SLCO3A1: variants seen among roughly 807,000 people sequenced by gnomAD.
The protein encoded by SLCO3A1 is PGE1 transporter.
A neutral mutation model predicts 63.1 loss-of-function variants in SLCO3A1; 27 were observed. The observed-to-expected ratio is 0.43, with a 90% CI of 0.32 to 0.59. SLCO3A1 has a LOEUF of 0.59. Among genes scored for constraint, SLCO3A1 ranks in the 20% least tolerant of loss-of-function variants. The pLI is 0.09. For missense variants in SLCO3A1, 773 were observed against 945.8 expected (o/e 0.82, Z 2.40); for synonymous variants, 473 against 409.9 (o/e 1.15, Z -1.86).
intron 8 of SLCO3A1, among the ~76,000 whole-genome samples, chr15:92,147,918 C>T (rs1596146271): frequency 1.3e-5 from 2 of 152,180 alleles, no homozygotes; most frequent in Non-Finnish European, 2.9e-5. Context: ...GGAAGGTACT[C>T]TACACAAAGA....
At position 91,894,063 on chromosome 15, in the gene SLCO3A1, T is replaced by G. The variant is rs1389957086; in HGVS notation, c.181-21930T>G. 6.6e-6 allele frequency among the ~76,000 whole-genome samples: 1 copy of G among 152,140 alleles called. No individual in the cohort carries two copies. The highest frequency in any genetic ancestry group is 1.9e-4 in the East Asian group (1 of 5,180). On this transcript the variant is annotated intron_variant, in intron 1 of 9. Coordinates refer to ENST00000318445, the MANE Select transcript of SLCO3A1 (RefSeq NM_013272.4). This position sits in a 1 kb window ranked among gnomAD's most constrained non-coding sequence, Gnocchi z 4.8. The stretch of plus-strand genomic sequence containing the variant: ...GGGGACGTTTGAGCTAAGACCTGCC[T>G]GGGGAGAAATCAGCCTTGTCATGAT...
chr15:92,027,076 T>A (rs1342143010), intron 2 of SLCO3A1, among the ~76,000 whole-genome samples: 1 of 140,538 alleles, frequency 7.1e-6, no homozygotes, highest in Admixed American at 7.4e-5. Context: ...GGTGACAGAG[T>A]GAGACTTTGT....
chr15:91,899,030 C>T (rs1303345083), intron 1 of SLCO3A1, among the ~76,000 whole-genome samples: 1 of 152,102 alleles, frequency 6.6e-6, no homozygotes, highest in Admixed American at 6.6e-5. Flanking sequence ...GGTGTGTTCC[C>T]AAGTGAAGAG....
In SLCO3A1 at chr15:92,163,944, C is replaced by T. The variant is rs892702015; in HGVS notation, c.*809C>T. 2 of 985,398 alleles carry T rather than the reference C, an allele frequency of 2.0e-6. No individual in the cohort carries two copies. Among genetic ancestry groups the T allele is most frequent in the African/African-American group, 1.7e-5 (1 of 57,248 alleles). 61.0% of individuals were successfully genotyped at this position (985,398 alleles called of 1,614,324 possible). The stretch of plus-strand genomic sequence containing the variant: ...TGACCTCAGGAAGCAGTAGGCCTCG[C>T]CTGGCTATGACTGACCCGGCTCAGA... On this transcript the variant is annotated 3_prime_UTR_variant, in exon 10 of 10. Coordinates refer to ENST00000318445, the MANE Select transcript of SLCO3A1 (RefSeq NM_013272.4).
chr15:91,913,602 G>A (rs1334946961), intron 1 of SLCO3A1, among the ~76,000 whole-genome samples: 1 of 152,140 alleles, frequency 6.6e-6, no homozygotes, highest in East Asian at 1.9e-4. Flanking sequence ...CATTTTTTTG[G>A]TTTGTTTTTT....
At chr15:91,955,997 G>T (rs1479969206) in intron 2 of SLCO3A1, among the ~76,000 whole-genome samples, 1 of 152,098 alleles carries the variant, frequency 6.6e-6, no homozygotes, top group South Asian at 2.1e-4. Context: ...AAGCCTCTTG[G>T]GATGTGTACA....
chr15:92,087,173 C>T (rs1486090658), intron 2 of SLCO3A1, among the ~76,000 whole-genome samples: 3 of 151,350 alleles, frequency 2.0e-5, no homozygotes, highest in South Asian at 2.1e-4. Context: ...CTCCGCCCAC[C>T]GCCTATAGTT....
intron 3 of SLCO3A1, among the ~76,000 whole-genome samples, chr15:92,100,085 C>CA (rs941021875): frequency 2.7e-5 from 4 of 150,756 alleles, no homozygotes; most frequent in African/African-American, 4.9e-5. Flanking sequence ...AAACAAAAAA[C>CA]AAAAAAACGG....
At chr15:92,127,248 C>A (rs2047936107) in intron 6 of SLCO3A1, among the ~76,000 whole-genome samples, 1 of 152,228 alleles carries the variant, frequency 6.6e-6, no homozygotes, top group South Asian at 2.1e-4. Flanking sequence ...CTATGCATAA[C>A]AGCTGTCTCA....
chr15:92,161,534 A>G (rs1171512875), intron 9 of SLCO3A1: 1 of 152,248 alleles, frequency 6.6e-6, no homozygotes, highest in Non-Finnish European at 1.5e-5. Context: ...TGAGGGTTTC[A>G]AAACTGGTTA....
rs72755621 is a variant in SLCO3A1 at position 91,986,304 on chromosome 15, C to T, written c.646+69846C>T. 9.0e-3 allele frequency among the ~76,000 whole-genome samples: 1,368 copies of T among 152,254 alleles called. 13 individuals carry two copies. The highest frequency in any genetic ancestry group is 0.016 in the South Asian group (76 of 4,830). ...GGGAAGAGGACAAAAGGTGGGTGTTCACCCCATGGGATTCCGGGGAGATAA... is the reference window on the plus strand; with the variant it reads ...GGGAAGAGGACAAAAGGTGGGTGTTTACCCCATGGGATTCCGGGGAGATAA... On this transcript the variant is annotated intron_variant, in intron 2 of 9. Coordinates refer to ENST00000318445, the MANE Select transcript of SLCO3A1 (RefSeq NM_013272.4).
At chr15:91,855,221 C>G (rs1896884436) in intron 1 of SLCO3A1, among the ~76,000 whole-genome samples, 1 of 152,160 alleles carries the variant, frequency 6.6e-6, no homozygotes, top group African/African-American at 2.4e-5. Context: ...TCCCTCATTC[C>G]TGGCCTTGGG....
At chr15:92,085,492 G>A (rs1363952613) in intron 2 of SLCO3A1, among the ~76,000 whole-genome samples, 2 of 152,186 alleles carry the variant, frequency 1.3e-5, no homozygotes, top group Admixed American at 6.5e-5. Flanking sequence ...TGGGATGGTA[G>A]CACCCAACCC....
chr15:92,077,239 GAC>G (rs2047288953), intron 2 of SLCO3A1, among the ~76,000 whole-genome samples: 3 of 152,120 alleles, frequency 2.0e-5, no homozygotes, highest in Admixed American at 1.3e-4. Context: ...TTTGGGTGGG[GAC>G]ACAGCGAAAC....
intron 1 of SLCO3A1, among the ~76,000 whole-genome samples, chr15:91,881,921 G>T (rs937832389): frequency 6.6e-6 from 1 of 152,166 alleles, no homozygotes; most frequent in African/African-American, 2.4e-5. Flanking sequence ...CCCTGGCCAG[G>T]TCTGGGTCCC....
At chr15:91,915,174 A>T (rs1237766631) in intron 1 of SLCO3A1, among the ~76,000 whole-genome samples, 2 of 152,126 alleles carry the variant, frequency 1.3e-5, no homozygotes, top group Non-Finnish European at 2.9e-5. Flanking sequence ...ATTCTTAGGT[A>T]CATGTTTACC....
intron 7 of SLCO3A1, among the ~76,000 whole-genome samples, chr15:92,145,029 A>G (rs74028825): frequency 0.055 from 8,309 of 152,244 alleles, 787 homozygotes; most frequent in African/African-American, 0.19. Flanking sequence ...TGACCAGAGG[A>G]GGACCAGGGA....
Position 91,900,842 on chromosome 15 carries a change from G to A in SLCO3A1, c.181-15151G>A, listed in dbSNP as rs1235286223. On this transcript the variant is annotated intron_variant, in intron 1 of 9. Coordinates refer to ENST00000318445, the MANE Select transcript of SLCO3A1 (RefSeq NM_013272.4). This position sits in a 1 kb window ranked among gnomAD's most constrained non-coding sequence, Gnocchi z 4.3. ...ATTTTACTGTTGATTTGTAAGGTTG[G>A]TAGGTAGTTTTGTTCAAATCATCTT... Among the ~76,000 whole-genome samples the A allele has an allele frequency of 6.6e-6, 1 of 152,156 alleles. No homozygotes were observed. Among genetic ancestry groups the A allele is most frequent in the Non-Finnish European group, 1.5e-5 (1 of 68,028 alleles).
rs1040299407 is a variant in SLCO3A1 at position 91,863,361 on chromosome 15, G to A, written c.180+9273G>A. ...TGGTCACTGTAGCTTTCAGGGTGGT[G>A]GAGGGCAGGGCCCCCTTAAGGTTGG... is the stretch of plus-strand genomic sequence containing the variant. On this transcript the variant is annotated intron_variant, in intron 1 of 9. Transcript: ENST00000318445. The surrounding 1 kb of genome is among the most constrained non-coding windows in gnomAD (Gnocchi z 4.3). 3.9e-5 allele frequency among the ~76,000 whole-genome samples: 6 copies of A among 152,220 alleles called. No homozygotes were observed. The highest frequency in any genetic ancestry group is 8.8e-5 in the Non-Finnish European group (6 of 68,028).
Sources: gnomAD v4.1 joint callset for allele counts (sites outside exome capture counted in the v4.1 genomes callset) on GRCh38, gnomAD v4.1.1 for gene constraint, Gnocchi (gnomAD v3.1) non-coding constraint, MANE v1.5 for transcripts, NCBI Gene and HGNC (gene_info 2026-07-23, HGNC 2026-07-21) for gene names.